Variants in ITGA9 observed in about 807,000 individuals in gnomAD.
The protein encoded by ITGA9 is integrin subunit alpha 9.
Under a neutral mutation model 127.8 loss-of-function variants are expected in ITGA9, and 56 were observed. The ratio of observed to expected loss-of-function variants is 0.44; its 90% CI spans 0.35 to 0.55. ITGA9 has a LOEUF of 0.55. Among genes scored for constraint, ITGA9 ranks in the 20% least tolerant of loss-of-function variants. ITGA9 has a pLI of 0.00. For missense variants in ITGA9, 1,196 were observed against 1,347.1 expected (o/e 0.89, Z 1.76); for synonymous variants, 508 against 514.5 (o/e 0.99, Z 0.17).
intron 18 of ITGA9, among the ~76,000 whole-genome samples, chr3:37,708,836 A>G (rs1293127369): frequency 2.0e-5 from 3 of 152,220 alleles, no homozygotes; most frequent in Non-Finnish European, 4.4e-5. Context: ...CTGTGCTAGT[A>G]TCCCTCTCAG....
intron 16 of ITGA9, among the ~76,000 whole-genome samples, chr3:37,641,127 C>T (rs921378391): frequency 6.6e-6 from 1 of 152,166 alleles, no homozygotes; most frequent in African/African-American, 2.4e-5. Context: ...GCAGGAGTCC[C>T]CAACTCCTGG....
intron 27 of ITGA9, among the ~76,000 whole-genome samples, chr3:37,811,881 G>A (rs1457448164): frequency 6.6e-6 from 1 of 152,226 alleles, no homozygotes; most frequent in African/African-American, 2.4e-5. Context: ...ATCAGCTGGG[G>A]CTGTTCCAAG....
intron 15 of ITGA9, among the ~76,000 whole-genome samples, chr3:37,587,383 G>C (rs1007141988): frequency 1.6e-4 from 25 of 152,288 alleles, no homozygotes; most frequent in African/African-American, 5.1e-4. Context: ...CAAGCTTCTT[G>C]TTATTGTTTT....
At chr3:37,656,342 A>C (rs1027123424) in intron 17 of ITGA9, among the ~76,000 whole-genome samples, 1 of 151,952 alleles carries the variant, frequency 6.6e-6, no homozygotes, top group Admixed American at 6.6e-5. Context: ...CTGTTTTTTC[A>C]TTTGTTTGTG....
Position 37,746,012 on chromosome 3 carries a change from G to A in ITGA9, c.2433+1978G>A, listed in dbSNP as rs1038662126. Reference sequence around the variant, plus strand: ...ATTAGAAGGAGATCCTTCTGTGCTAGCAAAGCCCACTTTTTCCTTGAGAAT... The same window carrying A: ...ATTAGAAGGAGATCCTTCTGTGCTAACAAAGCCCACTTTTTCCTTGAGAAT... On this transcript the variant is annotated intron_variant, in intron 22 of 27. Coordinates refer to ENST00000264741, the MANE Select transcript of ITGA9 (RefSeq NM_002207.3). The A allele has an allele frequency of 2.6e-5, 4 of 152,284 alleles. No individual in the cohort carries two copies. The South Asian group carries it at 8.3e-4, about 32-fold the overall frequency. 9.4% of individuals were successfully genotyped at this position (152,284 alleles called of 1,614,324 possible). A position where few individuals can be genotyped will look rare whatever the true frequency, so the allele number is the denominator to read the frequency against.
At chr3:37,619,274 A>G (rs1700105178) in intron 15 of ITGA9, among the ~76,000 whole-genome samples, 1 of 152,168 alleles carries the variant, frequency 6.6e-6, no homozygotes, top group Admixed American at 6.5e-5. Flanking sequence ...CTAGCACTGT[A>G]TCCAGCTCTT....
chr3:37,556,401 A>G (rs765086976), intron 15 of ITGA9, among the ~76,000 whole-genome samples: 6 of 152,230 alleles, frequency 3.9e-5, no homozygotes, highest in Non-Finnish European at 7.3e-5. Context: ...AATGATTAGA[A>G]GCAGATGGTG....
chr3:37,628,749 C>T (rs1367589990), intron 15 of ITGA9, among the ~76,000 whole-genome samples: 2 of 152,210 alleles, frequency 1.3e-5, no homozygotes, highest in Non-Finnish European at 1.5e-5. Flanking sequence ...CTGGGCCACT[C>T]AGTCTTTGGA....
At chr3:37,674,325 C>G (rs1425948113) in intron 17 of ITGA9, among the ~76,000 whole-genome samples, 1 of 152,216 alleles carries the variant, frequency 6.6e-6, no homozygotes, top group Non-Finnish European at 1.5e-5. Flanking sequence ...GGAGTAAACA[C>G]CATACCAACA....
rs192059902 is a variant in ITGA9, at chr3:37,794,642, G to C, written c.2890-9181G>C. 9.8e-5 allele frequency among the ~76,000 whole-genome samples: 15 copies of C among 152,328 alleles called. No homozygotes were observed. The East Asian group carries it at 2.9e-3, about 29-fold the overall frequency. On this transcript the variant is annotated intron_variant, in intron 26 of 27. Transcript: ENST00000264741. ...AGCAATGTGAGGATTATGGGGAGTA[G>C]TAGATAGTAAACCTCTCAGCATGGT...
At chr3:37,714,424 G>A (rs988225028) in intron 18 of ITGA9, among the ~76,000 whole-genome samples, 1 of 152,190 alleles carries the variant, frequency 6.6e-6, no homozygotes, top group African/African-American at 2.4e-5. Flanking sequence ...GTGACAGCTG[G>A]TGGCTGGTGA....
At chr3:37,607,186 G>A (rs1559547882) in intron 15 of ITGA9, among the ~76,000 whole-genome samples, 1 of 151,888 alleles carries the variant, frequency 6.6e-6, no homozygotes, top group Non-Finnish European at 1.5e-5. Flanking sequence ...AACTCTCAGT[G>A]TTTGTCCATT....
chr3:37,513,585 C>A (rs111289680), intron 8 of ITGA9, among the ~76,000 whole-genome samples, 178 bp from the exon 9 acceptor site: 3 of 149,142 alleles, frequency 2.0e-5, no homozygotes, highest in Admixed American at 6.6e-5. Context: ...ATCCCTCCCC[C>A]CTCCCCCAAC....
intron 21 of ITGA9, 21 bp from the exon 22 acceptor site, chr3:37,743,905 T>G (rs1404345879): frequency 1.3e-6 from 2 of 1,554,048 alleles, no homozygotes; most frequent in Admixed American, 1.7e-5. Context: ...GGATGACAGA[T>G]TTCATGCTTT....
intron 15 of ITGA9, among the ~76,000 whole-genome samples, chr3:37,595,852 C>T (rs1238553364): frequency 1.3e-5 from 2 of 152,214 alleles, no homozygotes; most frequent in Non-Finnish European, 2.9e-5. Flanking sequence ...GTTTGTCTCC[C>T]TCTGTGCCTA....
intron 20 of ITGA9, among the ~76,000 whole-genome samples, chr3:37,738,980 C>A (rs1696399974): frequency 6.6e-6 from 1 of 152,218 alleles, no homozygotes; most frequent in Admixed American, 6.5e-5. Context: ...GATGCCTGAT[C>A]TATCCCCAGA....
intron 26 of ITGA9, among the ~76,000 whole-genome samples, chr3:37,788,563 T>C (rs1697068086): frequency 2.0e-5 from 3 of 152,142 alleles, no homozygotes; most frequent in Admixed American, 2.0e-4. Context: ...GAGGATACAG[T>C]CTCCCAAAGA....
intron 1 of ITGA9, among the ~76,000 whole-genome samples, chr3:37,465,328 T>G (rs1437549787): frequency 5.9e-5 from 9 of 152,286 alleles, no homozygotes; most frequent in Non-Finnish European, 1.5e-5. Context: ...CACAGACAGC[T>G]TGACCACACA....
intron 11 of ITGA9, 126 bp from the exon 12 acceptor site, chr3:37,523,395 C>CTTTTT: frequency 1.7e-6 from 1 of 582,392 alleles, no homozygotes. Context: ...ATTAGGATTA[C>CTTTTT]TTTTTTTTTT....
Sources: gnomAD v4.1 joint callset for allele counts (sites outside exome capture counted in the v4.1 genomes callset) on GRCh38, gnomAD v4.1.1 for gene constraint, MANE v1.5 for transcripts, NCBI Gene and HGNC (gene_info 2026-07-23, HGNC 2026-07-21) for gene names.